NAF1: variants seen among roughly 807,000 people sequenced by gnomAD.
NAF1 encodes the protein nuclear assembly factor 1 ribonucleoprotein, also known as H/ACA ribonucleoprotein complex non-core subunit NAF1.
NAF1 carries 11 observed loss-of-function variants against 40.6 expected under a neutral mutation model. The ratio of observed to expected loss-of-function variants is 0.27; its 90% CI spans 0.17 to 0.45. The LOEUF is 0.45. Among genes scored for constraint, NAF1 ranks in the 20% least tolerant of loss-of-function variants. The probability of loss-of-function intolerance (pLI) is 1.00; values close to 1 mark genes in which losing one functional copy is unlikely to be tolerated. For missense variants in NAF1, 607 were observed against 611.1 expected (o/e 0.99, Z 0.07); for synonymous variants, 260 against 228.5 (o/e 1.14, Z -1.24).
In NAF1 at chr4:163,129,272, G is replaced by C. The variant is rs549515694; in HGVS notation, c.1110C>G (p.Asn370Lys). ...SASEHAKGYR[N>K]REFTRGFSRA... ...TGGAAAATCCTCGTGTGAATTCTCT[G>C]TTACGATATCCTTTTGCATGCTCTG... is the stretch of plus-strand genomic sequence containing the variant. Residue 370 changes from asparagine (N) to lysine (K), a missense_variant, in exon 8 of 8, where the codon AAC (asparagine) becomes AAG (lysine). Transcript: ENST00000274054. 1.9e-6 allele frequency: 3 copies of C among 1,614,118 alleles called. No individual in the cohort carries two copies. The highest frequency in any genetic ancestry group is 1.7e-6 in the Non-Finnish European group (2 of 1,180,008).
the NAF1 span, among the ~76,000 whole-genome samples, chr4:163,104,112 G>A: frequency 6.6e-6 from 1 of 152,084 alleles, no homozygotes; most frequent in African/African-American, 2.4e-5. Flanking sequence ...CAGTGGGGGA[G>A]GTTCTGAGCC....
At chr4:163,165,583 C>T (rs892459537) in intron 1 of NAF1, among the ~76,000 whole-genome samples, 6 of 152,302 alleles carry the variant, frequency 3.9e-5, no homozygotes, top group Non-Finnish European at 5.9e-5. Flanking sequence ...TTCTTCACTT[C>T]CACTCTCCGC....
At chr4:163,133,357 A>T (rs1730942067) in intron 6 of NAF1, 101 bp from the exon 7 acceptor site, 12 of 783,910 alleles carry the variant, frequency 1.5e-5, no homozygotes, top group Non-Finnish European at 2.4e-5. Flanking sequence ...TGCATCAATG[A>T]CTCTAAAAAA....
the NAF1 span, among the ~76,000 whole-genome samples, chr4:163,104,809 G>C: frequency 6.6e-6 from 1 of 152,198 alleles, no homozygotes; most frequent in African/African-American, 2.4e-5. Context: ...CTTAGATCTT[G>C]TGAAATTCGT....
At chr4:163,125,348 C>T (rs188529399), downstream of NAF1, among the ~76,000 whole-genome samples, 336 of 152,124 alleles carry the variant, frequency 2.2e-3, no homozygotes, top group African/African-American at 7.1e-3. Context: ...AGCCAAGTTG[C>T]GAATGCAAAG....
At chr4:163,130,888 C>A (rs1030185991) in intron 7 of NAF1, among the ~76,000 whole-genome samples, 1 of 152,168 alleles carries the variant, frequency 6.6e-6, no homozygotes, top group Non-Finnish European at 1.5e-5. Context: ...GATAATGACT[C>A]TTTTTTTAGA....
chr4:163,116,555 C>A (rs1036531924), intron 2 of NAF1, among the ~76,000 whole-genome samples: 27 of 152,082 alleles, frequency 1.8e-4, no homozygotes, highest in Non-Finnish European at 2.9e-4. Flanking sequence ...TTCTTCTCTT[C>A]CTCAATTCCA....
At chr4:163,164,015 G>T (rs1579194306) in intron 2 of NAF1, among the ~76,000 whole-genome samples, 1 of 152,154 alleles carries the variant, frequency 6.6e-6, no homozygotes, top group Non-Finnish European at 1.5e-5. Flanking sequence ...TCAAAGGTCA[G>T]CAGAGTTAGA....
In NAF1 at chr4:163,142,357, ATC is replaced by A. The variant is rs1466706424; in HGVS notation, c.718-1976_718-1975del. 4.6e-5 allele frequency among the ~76,000 whole-genome samples: 7 copies of A among 152,232 alleles called. No individual in the cohort carries two copies. The South Asian group carries it at 8.3e-4, about 18-fold the overall frequency. ...TCCATTAATACAAGGTAAAATAATCATCGTTTGCAACCTGGTACACAGACTGT... is the reference window on the plus strand; with the variant it reads ...TCCATTAATACAAGGTAAAATAATCAGTTTGCAACCTGGTACACAGACTGT... On this transcript the variant is annotated intron_variant, in intron 4 of 7. Transcript: ENST00000274054.
chr4:163,128,222 A>T (rs114967068), downstream of NAF1, among the ~76,000 whole-genome samples: 1,338 of 152,336 alleles, frequency 8.8e-3, 26 homozygotes, highest in African/African-American at 0.03. Flanking sequence ...AATAGATCTT[A>T]TTGTGAATAA....
At chr4:163,161,758 G>A (rs967363222) in intron 2 of NAF1, among the ~76,000 whole-genome samples, 11 of 151,916 alleles carry the variant, frequency 7.2e-5, no homozygotes, top group Admixed American at 2.0e-4. Flanking sequence ...AGTATAATCC[G>A]TTGTTACTGT....
At chr4:163,137,033 G>A (rs1446336020) in intron 6 of NAF1, among the ~76,000 whole-genome samples, 166 bp downstream of exon 6, 3 of 152,136 alleles carry the variant, frequency 2.0e-5, no homozygotes, top group Non-Finnish European at 4.4e-5. Flanking sequence ...TGAAAGGTAT[G>A]AAATAGTCAT....
chr4:163,117,453 A>G (rs1730372756), intron 2 of NAF1: 1 of 152,150 alleles, frequency 6.6e-6, no homozygotes. Context: ...ATTAACGGAA[A>G]TATTAACAGC....
In NAF1 at chr4:163,166,641, A is replaced by G. The variant is rs1732489904; in HGVS notation, c.87T>C (p.Ala29=). The G allele has an allele frequency of 6.2e-7, 1 of 1,612,750 alleles. No individual in the cohort carries two copies. ...TDFGVGEGPA[A]PSPGSAPVPG... is the part of the protein sequence containing the mutation. ...GCACAGGGGCAGAGCCCGGAGACGG[A>G]GCCGCCGGACCTTCCCCAACTCCAA... is the stretch of plus-strand genomic sequence containing the variant. Residue 29 remains alanine, a synonymous_variant, in exon 1 of 8, where the codon GCT becomes GCC. Coordinates refer to ENST00000274054, the MANE Select transcript of NAF1 (RefSeq NM_138386.3).
chr4:163,115,999 A>G (rs907297629), intron 2 of NAF1, among the ~76,000 whole-genome samples: 3 of 152,216 alleles, frequency 2.0e-5, no homozygotes, highest in African/African-American at 7.2e-5. Context: ...TGCCTCTTGA[A>G]GCAAAATTGA....
chr4:163,105,679 A>T (rs576107793), downstream of NAF1, among the ~76,000 whole-genome samples: 1 of 152,308 alleles, frequency 6.6e-6, no homozygotes, highest in South Asian at 2.1e-4. Flanking sequence ...TACAAAATAG[A>T]ATGCCTATTT....
At chr4:163,149,787 G>A (rs1731622975) in intron 2 of NAF1, among the ~76,000 whole-genome samples, 1 of 152,148 alleles carries the variant, frequency 6.6e-6, no homozygotes, top group Non-Finnish European at 1.5e-5. Context: ...AGAACAAACT[G>A]TGACATTAAA....
chr4:163,113,042 A>C (rs1156805749), intron 2 of NAF1, among the ~76,000 whole-genome samples: 1 of 152,194 alleles, frequency 6.6e-6, no homozygotes, highest in East Asian at 1.9e-4. Context: ...AAGAAGAAAA[A>C]TTGAGACATC....
chr4:163,166,439 T>A lies in NAF1; in HGVS notation c.289A>T (p.Thr97Ser), dbSNP rs1197159773. 3 of 1,606,298 alleles carry A rather than the reference T, an allele frequency of 1.9e-6. No individual in the cohort carries two copies. The highest frequency in any genetic ancestry group is 1.7e-5 in the Admixed American group (1 of 59,244). Residue 97 changes from threonine (T) to serine (S), a missense_variant, in exon 1 of 8, where the codon ACC becomes TCC. Thr to Ser is a moderately conservative substitution (Grantham distance 58, BLOSUM62 1). This residue lies in a region of NAF1 where 407 missense variants were observed against 365.5 expected (regional missense o/e 1.11). Transcript: ENST00000274054. The stretch of plus-strand genomic sequence containing the variant: ...GCAGGCTCTGCGGCTCCTGGGGAGG[T>A]GACGCAGTCTCCGCAGGCCGGCGAT... ...AESPACGDCV[T>S]SPGAAEPARA... is the part of the protein sequence containing the mutation.
Sources: allele counts gnomAD v4.1 joint callset (sites outside exome capture counted in the v4.1 genomes callset), GRCh38; gene constraint gnomAD v4.1.1; regional missense constraint gnomAD v4.1.1; transcripts MANE v1.5; gene names NCBI Gene and HGNC (gene_info 2026-07-23, HGNC 2026-07-21).